MEGF6: variants seen among roughly 807,000 people sequenced by gnomAD.
MEGF6 encodes multiple epidermal growth factor-like domains protein 6.
A neutral mutation model predicts 207.1 loss-of-function variants in MEGF6; 184 were observed. The observed-to-expected ratio is 0.89, with a 90% confidence interval of 0.79 to 1.00. The LOEUF is 1.00. Among genes scored for constraint, MEGF6 ranks in the 50% least tolerant of loss-of-function variants. The pLI is 0.00. For synonymous variants in MEGF6, 1,038 were observed against 910.0 expected (o/e 1.14, Z -2.53); for missense variants, 2,282 against 2,202.9 (o/e 1.04, Z -0.72).
At chr1:3,593,213 G>C (rs1360105324) in intron 3 of MEGF6, among the ~76,000 whole-genome samples, 4 of 152,156 alleles carry the variant, frequency 2.6e-5, no homozygotes, top group African/African-American at 9.7e-5. Context: ...GAGACACTGA[G>C]ATCCCCACAG....
chr1:3,517,851 G>A (rs563763659), intron 5 of MEGF6, among the ~76,000 whole-genome samples: 6 of 152,336 alleles, frequency 3.9e-5, no homozygotes, highest in East Asian at 3.9e-4. Flanking sequence ...GGACAGATGC[G>A]GGCTCGACAG....
chr1:3,505,516 C>T lies in MEGF6; in HGVS notation c.1959G>A (p.Glu653=), dbSNP rs1482116357. ...PWAFGPGCSE[E]CQCVQPHTQS... is the part of the protein sequence containing the mutation. ...GCGTGTGGGGCTGCACACACTGGCA[C>T]TCCTCCGAGCAGCCCGGCCCAAAGG... is the stretch of plus-strand genomic sequence containing the variant. Residue 653 remains glutamate (E), a synonymous_variant, in exon 16 of 37, where the codon GAG becomes GAA. Transcript: ENST00000356575. 1 of 1,601,050 alleles carries T rather than the reference C, an allele frequency of 6.2e-7. No homozygotes were observed. The highest frequency in any genetic ancestry group is 8.5e-7 in the Non-Finnish European group (1 of 1,175,544).
At chr1:3,501,994 C>T in intron 17 of MEGF6, 73 bp from the exon 18 acceptor site, 2 of 1,547,152 alleles carry the variant, frequency 1.3e-6, no homozygotes, top group Non-Finnish European at 1.7e-6. Context: ...CCCCCAGGGG[C>T]TCCTGGTGAG....
In MEGF6 at chr1:3,601,340, G is replaced by A. The variant is rs145067899; in HGVS notation, c.266+1126C>T. 5.5e-3 allele frequency among the ~76,000 whole-genome samples: 835 copies of A among 152,376 alleles called. 8 individuals are homozygous for A. The highest frequency in any genetic ancestry group is 0.019 in the African/African-American group (790 of 41,580). ...GGGAAATCCACCTGCATCCATGCACGCATGACATCCACAGGGCAGGCCCGC... is the reference window on the plus strand; with the variant it reads ...GGGAAATCCACCTGCATCCATGCACACATGACATCCACAGGGCAGGCCCGC... On this transcript the variant is annotated intron_variant, in intron 2 of 36. Coordinates refer to ENST00000356575, the MANE Select transcript of MEGF6 (RefSeq NM_001409.4).
intron 17 of MEGF6, among the ~76,000 whole-genome samples, chr1:3,503,474 G>A (rs1242573255): frequency 2.0e-5 from 3 of 152,158 alleles, no homozygotes; most frequent in Non-Finnish European, 4.4e-5. Flanking sequence ...AGGGGCAGAG[G>A]AGGAGCAGAG....
At chr1:3,548,303 C>T (rs1398244944) in intron 4 of MEGF6, among the ~76,000 whole-genome samples, 1 of 152,236 alleles carries the variant, frequency 6.6e-6, no homozygotes, top group Non-Finnish European at 1.5e-5. Context: ...CTCTGCACCT[C>T]CTCAGGACGG....
intron 17 of MEGF6, 88 bp from the exon 18 acceptor site, chr1:3,502,009 C>CG: frequency 6.5e-7 from 1 of 1,535,716 alleles, no homozygotes; most frequent in Non-Finnish European, 8.7e-7. Context: ...GGTGAGTGTG[C>CG]CCCCTGTGCC....
intron 2 of MEGF6, among the ~76,000 whole-genome samples, chr1:3,598,461 G>C (rs1270384044): frequency 2.0e-5 from 3 of 152,012 alleles, no homozygotes; most frequent in African/African-American, 7.2e-5. Context: ...AACAATATTT[G>C]GCAGAGCTGA....
rs751623728 is a variant in MEGF6 at position 3,496,791 on chromosome 1, G to A, written c.3614-8C>T. The A allele has an allele frequency of 1.4e-5, 22 of 1,553,702 alleles. No homozygotes were observed. Among genetic ancestry groups the A allele is most frequent in the Non-Finnish European group, 1.7e-5 (20 of 1,148,940 alleles). On this transcript the variant is annotated splice_region_variant and splice_polypyrimidine_tract_variant and intron_variant, in intron 28 of 36. Transcript: ENST00000356575. ...ACCGCCCGGGCGGACATCCTGCAGG[G>A]AGAGGGGCTAGCTGCAGGGGCTGGG... is the stretch of plus-strand genomic sequence containing the variant.
intron 4 of MEGF6, among the ~76,000 whole-genome samples, chr1:3,525,176 A>T (rs973498614): frequency 6.6e-6 from 1 of 152,168 alleles, no homozygotes; most frequent in African/African-American, 2.4e-5. Context: ...CCCAGGACAG[A>T]AGCCTTCGCT....
chr1:3,541,501 G>A (rs547955388), intron 4 of MEGF6, among the ~76,000 whole-genome samples: 18 of 152,344 alleles, frequency 1.2e-4, no homozygotes, highest in Admixed American at 4.6e-4. Flanking sequence ...GAGTGCAGGC[G>A]GACATGCGGG....
intron 3 of MEGF6, among the ~76,000 whole-genome samples, chr1:3,581,918 T>C (rs1020364921): frequency 6.6e-6 from 1 of 151,312 alleles, no homozygotes; most frequent in Non-Finnish European, 1.5e-5. Context: ...CTAAACCCCA[T>C]ACCATTCCCT....
At position 3,502,016 on chromosome 1, in the gene MEGF6, T is replaced by C. The variant is rs56164508; in HGVS notation, c.2189-95A>G. On this transcript the variant is annotated intron_variant, in intron 17 of 36. Coordinates refer to ENST00000356575, the MANE Select transcript of MEGF6 (RefSeq NM_001409.4). ...GGGCTCCTGGTGAGTGTGCCCCCTG[T>C]GCCTCACATGGGCTCCTGGCGAGTG... 2.4e-4 allele frequency: 200 copies of C among 843,824 alleles called. 1 individual carries two copies. Among genetic ancestry groups the C allele is most frequent in the African/African-American group, 1.1e-3 (18 of 16,244 alleles). 52.3% of individuals were successfully genotyped at this position (843,824 alleles called of 1,614,324 possible).
At chr1:3,580,419 G>A (rs1278694881) in intron 3 of MEGF6, among the ~76,000 whole-genome samples, 1 of 152,226 alleles carries the variant, frequency 6.6e-6, no homozygotes, top group African/African-American at 2.4e-5. Context: ...CAGACCCCAG[G>A]GAGGGGAGGA....
intron 9 of MEGF6, 134 bp downstream of exon 9, chr1:3,511,416 G>GCC (rs1641340769): frequency 8.6e-7 from 1 of 1,164,554 alleles, no homozygotes; most frequent in Non-Finnish European, 1.2e-6. Flanking sequence ...CCCCGCCAGG[G>GCC]CCCAGGCAGC....
intron 34 of MEGF6, 55 bp from the exon 35 acceptor site, chr1:3,492,822 C>T (rs577237471): frequency 5.0e-4 from 794 of 1,578,882 alleles, no homozygotes; most frequent in Non-Finnish European, 6.2e-4. Context: ...GCCTTCCCCG[C>T]GCCAAGGAGC....
intron 3 of MEGF6, among the ~76,000 whole-genome samples, chr1:3,580,380 C>T (rs956859705): frequency 3.9e-5 from 6 of 152,164 alleles, no homozygotes; most frequent in African/African-American, 7.2e-5. Context: ...GCCCCAGCCC[C>T]GGGAGGGGAG....
At chr1:3,550,172 C>T (rs570850135) in intron 4 of MEGF6, among the ~76,000 whole-genome samples, 10 of 152,312 alleles carry the variant, frequency 6.6e-5, no homozygotes, top group Admixed American at 1.3e-4. Context: ...CAGTCCCACC[C>T]CTAAGCACCT....
chr1:3,505,689 T>A (rs1641089148), intron 15 of MEGF6, 133 bp from the exon 16 acceptor site: 5 of 1,217,570 alleles, frequency 4.1e-6, no homozygotes, highest in Admixed American at 2.9e-5. Flanking sequence ...CCTCTCCCCC[T>A]GCAGCCCACC....
Sources: allele counts gnomAD v4.1 joint callset (sites outside exome capture counted in the v4.1 genomes callset), GRCh38; gene constraint gnomAD v4.1.1; transcripts MANE v1.5; gene names NCBI Gene and HGNC (gene_info 2026-07-23, HGNC 2026-07-21).